MAN2B2: variants seen among roughly 807,000 people sequenced by gnomAD.
MAN2B2 encodes epididymis-specific alpha-mannosidase.
In MAN2B2, 106 loss-of-function variants were observed where a neutral mutation model predicts 117.1. The observed-to-expected ratio is 0.90, with a 90% CI of 0.77 to 1.06. The LOEUF (loss-of-function observed/expected upper bound fraction) is 1.06, where lower values mean the gene tolerates loss of function less well. MAN2B2 is among the 50% of genes least tolerant of loss of function. The pLI is 0.00. For synonymous variants in MAN2B2, 544 were observed against 595.1 expected, an observed-to-expected ratio of 0.91 and a Z score of 1.25; for missense variants, 1,326 against 1,381.4, an observed-to-expected ratio of 0.96 and a Z score of 0.64.
At chr4:6,580,534 T>C (rs7699004) in intron 3 of MAN2B2, among the ~76,000 whole-genome samples, 49,377 of 152,008 alleles carry the variant, frequency 0.32, 9,400 homozygotes, top group East Asian at 0.6. Flanking sequence ...GCTCTGGGGC[T>C]GTTTCTCACC....
intron 3 of MAN2B2, among the ~76,000 whole-genome samples, chr4:6,586,766 T>G (rs1284918598): frequency 6.6e-6 from 1 of 152,222 alleles, no homozygotes; most frequent in African/African-American, 2.4e-5. Context: ...TAACACTACT[T>G]AACTATACAC....
chr4:6,600,615 G>T lies in MAN2B2; in HGVS notation c.1406-8G>T. The T allele has an allele frequency of 6.2e-7, 1 of 1,613,536 alleles. No homozygotes were observed. The highest frequency in any genetic ancestry group is 8.5e-7 in the Non-Finnish European group (1 of 1,179,822). On this transcript the variant is annotated splice_polypyrimidine_tract_variant and splice_region_variant and intron_variant, in intron 9 of 18. Transcript: ENST00000285599. ...ATGGCACAAGCAAAGCCTCTTCTCT[G>T]TGTGCAGATGCAGGACCTGCAGGAC...
chr4:6,621,447 A>AT lies in MAN2B2; in HGVS notation c.*169dup, dbSNP rs1577300803. On this transcript the variant is annotated 3_prime_UTR_variant, in exon 19 of 19. Coordinates refer to ENST00000285599, the MANE Select transcript of MAN2B2 (RefSeq NM_015274.3). ...TGGTCATATTTGGGGTTTTTCCCTA[A>AT]TTTTTTTAAACAAAAATTACATTAC... 1 of 583,754 alleles carries AT rather than the reference A, an allele frequency of 1.7e-6. No homozygotes were observed. Among genetic ancestry groups the AT allele is most frequent in the Middle Eastern group, 2.6e-4 (1 of 3,830 alleles). The allele number at this position is 583,754 out of a possible 1,614,324, so 36.2% of individuals were successfully genotyped here. A position where few individuals can be genotyped will look rare whatever the true frequency, so the allele number is the denominator to read the frequency against.
intron 16 of MAN2B2, 59 bp from the exon 17 acceptor site, chr4:6,617,320 CA>C (rs1711929778): frequency 4.6e-6 from 6 of 1,300,884 alleles, no homozygotes; most frequent in South Asian, 1.2e-5. Flanking sequence ...GGGTATAGAC[CA>C]GGGACATTGG....
In MAN2B2 at chr4:6,621,296, G is replaced by A. The variant is rs764892213; in HGVS notation, c.*11G>A. 6.0e-5 allele frequency: 97 copies of A among 1,608,744 alleles called. No individual in the cohort carries two copies. The highest frequency in any genetic ancestry group is 8.1e-5 in the Non-Finnish European group (95 of 1,175,444). On this transcript the variant is annotated 3_prime_UTR_variant, in exon 19 of 19. Coordinates refer to ENST00000285599, the MANE Select transcript of MAN2B2 (RefSeq NM_015274.3). ...TTTCAACAGCAGTGAGCCCTGGGCAGATGCCCCGGCCCCAGGGCTTCCCCC... is the reference window on the plus strand; with the variant it reads ...TTTCAACAGCAGTGAGCCCTGGGCAAATGCCCCGGCCCCAGGGCTTCCCCC...
At position 6,610,947 on chromosome 4, in the gene MAN2B2, A is replaced by C. The variant is rs1727743061; in HGVS notation, c.2327A>C (p.Glu776Ala). The C allele has an allele frequency of 6.2e-7, 1 of 1,614,148 alleles. No homozygotes were observed. Among genetic ancestry groups the C allele is most frequent in the Non-Finnish European group, 8.5e-7 (1 of 1,180,008 alleles). Residue 776 changes from glutamate (E) to alanine (A), a missense_variant, in exon 14 of 19, where the codon GAG becomes GCG. Transcript: ENST00000285599. The part of the protein sequence containing the change: ...DGKSRLVLLS[E>A]RAHGISSQGN... Reference sequence around the variant, plus strand: ...AAAAGCAGGCTTGTGTTGCTGTCGGAGCGGGCACATGGCATCTCCAGCCAA... The same window carrying C: ...AAAAGCAGGCTTGTGTTGCTGTCGGCGCGGGCACATGGCATCTCCAGCCAA...
chr4:6,609,339 C>A (rs1490341616), intron 12 of MAN2B2, 41 bp downstream of exon 12: 2 of 1,590,836 alleles, frequency 1.3e-6, no homozygotes, highest in Non-Finnish European at 1.7e-6. Flanking sequence ...GGCACACAGT[C>A]AGCGCACGCG....
intron 18 of MAN2B2, 65 bp downstream of exon 18, chr4:6,620,109 C>T (rs983446008): frequency 9.5e-6 from 13 of 1,366,472 alleles, no homozygotes; most frequent in Non-Finnish European, 1.3e-5. Flanking sequence ...GCTGGTCAGA[C>T]CCGGTGCACA....
intron 18 of MAN2B2, 63 bp downstream of exon 18, chr4:6,620,107 G>T: frequency 7.2e-7 from 1 of 1,390,226 alleles, no homozygotes; most frequent in Non-Finnish European, 9.9e-7. Context: ...CAGCTGGTCA[G>T]ACCCGGTGCA....
chr4:6,609,075 A>C, intron 11 of MAN2B2, 32 bp from the exon 12 acceptor site: 1 of 1,591,416 alleles, frequency 6.3e-7, no homozygotes, highest in South Asian at 1.1e-5. Context: ...GTGCAGGATG[A>C]GAATGACATC....
chr4:6,607,583 T>C (rs1727602532), intron 11 of MAN2B2, among the ~76,000 whole-genome samples: 1 of 152,256 alleles, frequency 6.6e-6, no homozygotes, highest in African/African-American at 2.4e-5. Flanking sequence ...CATGGCAGAA[T>C]ACTATTCCAT....
At chr4:6,578,893 G>A (rs941349349) in intron 3 of MAN2B2, among the ~76,000 whole-genome samples, 17 of 151,690 alleles carry the variant, frequency 1.1e-4, no homozygotes, top group African/African-American at 4.1e-4. Flanking sequence ...CCTAGTAAAT[G>A]CTCAGTAAGT....
intron 14 of MAN2B2, 43 bp from the exon 15 acceptor site, chr4:6,611,043 G>A (rs763975675): frequency 1.2e-6 from 2 of 1,612,266 alleles, no homozygotes; most frequent in Non-Finnish European, 1.7e-6. Context: ...CTACAGGCAT[G>A]CCCAGGTGCA....
At chr4:6,579,129 C>CCATCACCAT (rs1726233428) in intron 3 of MAN2B2, among the ~76,000 whole-genome samples, 3 of 67,274 alleles carry the variant, frequency 4.5e-5, no homozygotes, top group Non-Finnish European at 9.4e-5. Context: ...ACCACTACCA[C>CCATCACCAT]CACCACCACC....
At chr4:6,604,247 A>G (rs1359865814) in intron 10 of MAN2B2, among the ~76,000 whole-genome samples, 1 of 152,162 alleles carries the variant, frequency 6.6e-6, no homozygotes, top group Non-Finnish European at 1.5e-5. Context: ...CCCCAGTTGC[A>G]GCAGACAAGA....
intron 1 of MAN2B2, among the ~76,000 whole-genome samples, chr4:6,576,179 C>A (rs562417382): frequency 1.1e-3 from 169 of 152,308 alleles, no homozygotes; most frequent in East Asian, 2.7e-3. Flanking sequence ...CCAGCAGGCC[C>A]CTTTGGGGTC....
intron 4 of MAN2B2, 98 bp downstream of exon 4, chr4:6,587,266 G>C: frequency 7.0e-7 from 1 of 1,437,280 alleles, no homozygotes; most frequent in Non-Finnish European, 9.3e-7. Flanking sequence ...ATGCCGAAGT[G>C]TTCGGAAATT....
At chr4:6,617,604 G>C (rs536329973) in intron 17 of MAN2B2, 112 bp downstream of exon 17, 2 of 1,543,176 alleles carry the variant, frequency 1.3e-6, no homozygotes, top group Admixed American at 4.0e-5. Flanking sequence ...CCAAATGGAC[G>C]CTGGTATGGG....
intron 15 of MAN2B2, among the ~76,000 whole-genome samples, chr4:6,612,342 G>A (rs987603719): frequency 2.0e-5 from 3 of 152,224 alleles, no homozygotes; most frequent in East Asian, 1.9e-4. Context: ...GCCATAGAGG[G>A]CCTGGTGTTT....
Sources: allele counts gnomAD v4.1 joint callset (sites outside exome capture counted in the v4.1 genomes callset), GRCh38; gene constraint gnomAD v4.1.1; transcripts MANE v1.5; gene names NCBI Gene and HGNC (gene_info 2026-07-23, HGNC 2026-07-21).